The following WWOX variants were observed in gnomAD, a reference collection of about 807,000 sequenced individuals.
The protein encoded by WWOX is WW domain-containing oxidoreductase.
In WWOX, 69 loss-of-function variants were observed where a neutral mutation model predicts 46.2. That is an observed-to-expected ratio of 1.49 (90% CI 1.23 to 1.82). WWOX has a LOEUF of 1.82. Ranked by LOEUF, WWOX falls within the 40% of genes most tolerant of loss-of-function variation. The pLI, the probability that WWOX is intolerant of heterozygous loss-of-function variation, is 0.00. For synonymous variants in WWOX, 359 were observed against 202.6 expected (o/e 1.77, Z -6.56); for missense variants, 919 against 542.6 (o/e 1.69, Z -6.89).
intron 8 of WWOX, among the ~76,000 whole-genome samples, chr16:78,798,162 T>A (rs2050793031): frequency 6.6e-6 from 1 of 152,274 alleles, no homozygotes; most frequent in Admixed American, 6.5e-5. Flanking sequence ...GCAGAGGTCA[T>A]GATACCAAAG....
intron 5 of WWOX, among the ~76,000 whole-genome samples, chr16:78,364,107 C>G (rs1229033643): frequency 6.6e-6 from 1 of 152,184 alleles, no homozygotes; most frequent in Non-Finnish European, 1.5e-5. Context: ...CTTGCCCTTC[C>G]TGGCCTGTGG....
At chr16:78,860,385 C>G (rs543547878) in intron 8 of WWOX, among the ~76,000 whole-genome samples, 2 of 152,272 alleles carry the variant, frequency 1.3e-5, no homozygotes, top group African/African-American at 4.8e-5. Flanking sequence ...CTCCCATTCA[C>G]TATCTTGATG....
intron 8 of WWOX, among the ~76,000 whole-genome samples, chr16:78,521,290 C>G (rs1319292989): frequency 1.3e-5 from 2 of 152,078 alleles, no homozygotes; most frequent in Non-Finnish European, 2.9e-5. Context: ...CTCCTGGCCT[C>G]AAGTGATCCT....
intron 8 of WWOX, among the ~76,000 whole-genome samples, chr16:78,938,951 C>G (rs2045797278): frequency 6.6e-6 from 1 of 152,240 alleles, no homozygotes; most frequent in South Asian, 2.1e-4. Flanking sequence ...CTGAAAAATA[C>G]AAAGGTAGAA....
chr16:79,194,087 G>T (rs1285307190), intron 8 of WWOX, among the ~76,000 whole-genome samples: 1 of 152,186 alleles, frequency 6.6e-6, no homozygotes, highest in Non-Finnish European at 1.5e-5. Context: ...GTCTGTGTGT[G>T]TGTATGTGTA....
intron 8 of WWOX, among the ~76,000 whole-genome samples, chr16:78,772,188 C>T (rs1347832787): frequency 6.6e-6 from 1 of 152,168 alleles, no homozygotes; most frequent in Admixed American, 6.5e-5. Context: ...TCCTCTCCTT[C>T]CTCTCTCCCT....
Position 78,356,409 on chromosome 16 carries a change from T to A in WWOX, c.517-30451T>A, listed in dbSNP as rs113182249. 2.5e-3 allele frequency among the ~76,000 whole-genome samples: 388 copies of A among 152,276 alleles called. 2 individuals are homozygous for A. The highest frequency in any genetic ancestry group is 9.1e-3 in the African/African-American group (378 of 41,562). ...CTTCTTCTAAAATGCTTAACTTTCC[T>A]GTGGATTTGTGGACCCGTGGGAAAA... is the stretch of plus-strand genomic sequence containing the variant. On this transcript the variant is annotated intron_variant, in intron 5 of 8. Transcript: ENST00000566780.
chr16:78,800,708 T>A lies in WWOX; in HGVS notation c.1056+367956T>A, dbSNP rs185705344. Among the ~76,000 whole-genome samples the A allele has an allele frequency of 1.1e-4, 17 of 152,332 alleles. 1 individual carries two copies. In the East Asian group the frequency reaches 3.3e-3, roughly 29 times the overall value. On this transcript the variant is annotated intron_variant, in intron 8 of 8. Coordinates refer to ENST00000566780, the MANE Select transcript of WWOX (RefSeq NM_016373.4). ...TAGGGGGTTCCTGACTTCAGGCCTC[T>A]TTTCAGAATGAGGGAATTGTCTAAA... is the stretch of plus-strand genomic sequence containing the variant.
intron 8 of WWOX, among the ~76,000 whole-genome samples, chr16:78,634,813 A>AGG (rs2046525576): frequency 1.0e-5 from 1 of 99,592 alleles, no homozygotes; most frequent in Non-Finnish European, 2.2e-5. Flanking sequence ...ACCCGACTGG[A>AGG]GAGAGAGAGA....
At chr16:78,742,703 G>A (rs1391374686) in intron 8 of WWOX, among the ~76,000 whole-genome samples, 1 of 152,188 alleles carries the variant, frequency 6.6e-6, no homozygotes, top group African/African-American at 2.4e-5. Flanking sequence ...TGCGGTTTCA[G>A]TTCACATGGG....
chr16:78,767,028 A>G (rs2049938939), intron 8 of WWOX, among the ~76,000 whole-genome samples: 2 of 151,890 alleles, frequency 1.3e-5, no homozygotes, highest in South Asian at 2.1e-4. Context: ...ATTGTAGCAT[A>G]TATCAAAATT....
At chr16:78,101,067 A>C (rs1045311147) in intron 1 of WWOX, among the ~76,000 whole-genome samples, 10 of 149,574 alleles carry the variant, frequency 6.7e-5, no homozygotes, top group African/African-American at 2.5e-4. Context: ...TTTTCTTTTG[A>C]GACGGAGTCT....
At chr16:78,634,375 A>C in intron 8 of WWOX, among the ~76,000 whole-genome samples, 1 of 152,142 alleles carries the variant, frequency 6.6e-6, no homozygotes, top group East Asian at 1.9e-4. Flanking sequence ...CAGGCACCAA[A>C]AATGCTGTTT....
At chr16:78,184,165 T>A (rs1319974135) in intron 5 of WWOX, among the ~76,000 whole-genome samples, 1 of 152,196 alleles carries the variant, frequency 6.6e-6, no homozygotes, top group Non-Finnish European at 1.5e-5. Flanking sequence ...TGCTCGGTGC[T>A]TCTCTGTAGG....
At chr16:78,607,887 G>A (rs1483232963) in intron 8 of WWOX, among the ~76,000 whole-genome samples, 1 of 152,058 alleles carries the variant, frequency 6.6e-6, no homozygotes, top group African/African-American at 2.4e-5. Context: ...AGAGCTTGTC[G>A]GGGACCTGCA....
intron 8 of WWOX, among the ~76,000 whole-genome samples, chr16:79,052,362 C>T (rs1452536196): frequency 1.3e-5 from 2 of 152,216 alleles, no homozygotes; most frequent in East Asian, 3.8e-4. Context: ...CTACAAAGGA[C>T]ATGAACTCAT....
intron 8 of WWOX, among the ~76,000 whole-genome samples, chr16:78,468,611 T>G (rs1233307699): frequency 6.6e-6 from 1 of 152,128 alleles, no homozygotes; most frequent in Admixed American, 6.6e-5. Context: ...GCACATGACT[T>G]GGAATAAAGA....
At chr16:78,620,753 C>G (rs765949762) in intron 8 of WWOX, among the ~76,000 whole-genome samples, 21 of 151,962 alleles carry the variant, frequency 1.4e-4, no homozygotes, top group Admixed American at 4.6e-4. Flanking sequence ...TAGAAATAAT[C>G]TTTAGTGAGC....
intron 8 of WWOX, among the ~76,000 whole-genome samples, chr16:78,442,568 C>T (rs1023601209): frequency 1.5e-4 from 23 of 152,112 alleles, no homozygotes; most frequent in Admixed American, 1.4e-3. Flanking sequence ...CTGCGCCTGG[C>T]TTATTTTACG....
Sources: gnomAD v4.1 joint callset for allele counts (sites outside exome capture counted in the v4.1 genomes callset) on GRCh38, gnomAD v4.1.1 for gene constraint, MANE v1.5 for transcripts, NCBI Gene and HGNC (gene_info 2026-07-23, HGNC 2026-07-21) for gene names.